Variants in LARS1 observed in about 807,000 individuals in gnomAD.
The protein encoded by LARS1 is leucine--tRNA ligase, cytoplasmic.
In LARS1, 100 loss-of-function variants were observed where a neutral mutation model predicts 162.8. The ratio of observed to expected loss-of-function variants is 0.61; its 90% confidence interval spans 0.52 to 0.73. The LOEUF is 0.73. Ranked by LOEUF, LARS1 falls within the 30% of genes least tolerant of loss-of-function variation. The probability of loss-of-function intolerance (pLI) is 0.00; values close to 1 mark genes in which losing one functional copy is unlikely to be tolerated. For synonymous variants in LARS1, 457 were observed against 462.8 expected (o/e 0.99, Z 0.16); for missense variants, 1,258 against 1,408.9 (o/e 0.89, Z 1.71).
At chr5:146,164,217 A>C in intron 6 of LARS1, 93 bp downstream of exon 6, 1 of 1,307,816 alleles carries the variant, frequency 7.6e-7, no homozygotes, top group Non-Finnish European at 1.1e-6. Context: ...CAATTGTAAA[A>C]AAAATCCATG....
intron 14 of LARS1, 102 bp downstream of exon 14, chr5:146,151,760 G>A (rs1225030289): frequency 9.2e-7 from 1 of 1,087,296 alleles, no homozygotes; most frequent in Non-Finnish European, 1.3e-6. Context: ...TCAAATCAAT[G>A]TATAGCTGAA....
At position 146,143,095 on chromosome 5, in the gene LARS1, A is replaced by C; in HGVS notation, c.1878-11T>G. ...GTCATCTGTTGCGGTCTGTATTAAAAATAAAACAAACTATTTTATATATAT... is the reference window on the plus strand; with the variant it reads ...GTCATCTGTTGCGGTCTGTATTAAACATAAAACAAACTATTTTATATATAT... On this transcript the variant is annotated splice_polypyrimidine_tract_variant and intron_variant, in intron 19 of 31. Coordinates refer to ENST00000394434, the MANE Select transcript of LARS1 (RefSeq NM_020117.11). 9.2e-6 allele frequency: 14 copies of C among 1,519,886 alleles called. No individual in the cohort carries two copies. The highest frequency in any genetic ancestry group is 1.3e-5 in the Non-Finnish European group (14 of 1,114,566). The allele number at this position is 1,519,886 out of a possible 1,614,324, so 94.1% of individuals were successfully genotyped here. A position where few individuals can be genotyped will look rare whatever the true frequency, so the allele number is the denominator to read the frequency against.
At chr5:146,141,327 AAG>A (rs1258511278) in intron 20 of LARS1, among the ~76,000 whole-genome samples, 1 of 151,966 alleles carries the variant, frequency 6.6e-6, no homozygotes, top group Non-Finnish European at 1.5e-5. Flanking sequence ...CTATAGTAAA[AAG>A]AGTTATTAAA....
At chr5:146,116,030 T>C (rs746150404) in intron 31 of LARS1, among the ~76,000 whole-genome samples, 4 of 152,158 alleles carry the variant, frequency 2.6e-5, no homozygotes, top group Non-Finnish European at 5.9e-5. Flanking sequence ...GACCGAAGTT[T>C]AGAGAAGGGG....
In LARS1 at chr5:146,143,036, C is replaced by T; in HGVS notation, c.1926G>A (p.Glu642=). The change falls in exon 20 of 32, where the codon GAG becomes GAA. Residue 642 remains glutamate (E), a synonymous_variant. Transcript: ENST00000394434. ...KEVWDYVFFK[E]APFPKTQIAK... ...CAATCTGAGTCTTAGGAAATGGAGC[C>T]TCCTTGAAGAAAACATAATCCCAAA... 1 of 1,613,846 alleles carries T rather than the reference C, an allele frequency of 6.2e-7. No individual in the cohort carries two copies. Among genetic ancestry groups the T allele is most frequent in the Non-Finnish European group, 8.5e-7 (1 of 1,179,938 alleles).
At chr5:146,122,348 T>C (rs1751863266) in intron 30 of LARS1, 144 bp downstream of exon 30, 1 of 513,168 alleles carries the variant, frequency 1.9e-6, no homozygotes, top group Non-Finnish European at 3.5e-6. Context: ...TTTCTAACAC[T>C]CTATGGGGTC....
At chr5:146,157,273 A>C in intron 10 of LARS1, 130 bp downstream of exon 10, 1 of 758,380 alleles carries the variant, frequency 1.3e-6, no homozygotes, top group South Asian at 1.8e-5. Context: ...ACCAAAACAC[A>C]CAAGACTTAC....
chr5:146,172,565 T>C, intron 3 of LARS1, 122 bp downstream of exon 3: 1 of 456,092 alleles, frequency 2.2e-6, no homozygotes, highest in Non-Finnish European at 3.9e-6. Flanking sequence ...TAAAAAATTA[T>C]GCTTTAAGGA....
intron 1 of LARS1, among the ~76,000 whole-genome samples, chr5:146,180,603 G>A (rs1358799630): frequency 6.6e-6 from 1 of 152,180 alleles, no homozygotes; most frequent in Non-Finnish European, 1.5e-5. Context: ...TTAGAACTAT[G>A]TGTTTCTTTT....
At chr5:146,117,775 T>TAAC (rs35614174) in intron 31 of LARS1, among the ~76,000 whole-genome samples, 34,130 of 152,022 alleles carry the variant, frequency 0.22, 4,819 homozygotes, top group Admixed American at 0.34. Flanking sequence ...TAAATGCATA[T>TAAC]AACATGATGA....
chr5:146,126,085 TA>T, intron 28 of LARS1, among the ~76,000 whole-genome samples: 1 of 152,080 alleles, frequency 6.6e-6, no homozygotes, highest in South Asian at 2.1e-4. Context: ...AAGCTATACC[TA>T]TACAAATGTT....
intron 31 of LARS1, among the ~76,000 whole-genome samples, chr5:146,118,163 A>T (rs568106329): frequency 6.6e-6 from 1 of 152,372 alleles, no homozygotes; most frequent in Admixed American, 6.5e-5. Flanking sequence ...GTGGTAAACA[A>T]TGAAATATTA....
At chr5:146,157,862 G>GT in intron 8 of LARS1, 67 bp from the exon 9 acceptor site, 2 of 1,454,974 alleles carry the variant, frequency 1.4e-6, no homozygotes, top group Non-Finnish European at 1.9e-6. Flanking sequence ...ACTAATCTAT[G>GT]TGAGAGATCT....
intron 31 of LARS1, among the ~76,000 whole-genome samples, chr5:146,117,949 G>A (rs116050820): frequency 2.0e-5 from 3 of 152,158 alleles, no homozygotes; most frequent in East Asian, 1.9e-4. Context: ...AAACAGTATC[G>A]AGGTTCCTCA....
At position 146,144,270 on chromosome 5, in the gene LARS1, G is replaced by A. The variant is rs777568138; in HGVS notation, c.1735C>T (p.Leu579=). 1.2e-6 allele frequency: 2 copies of A among 1,605,210 alleles called. No individual in the cohort carries two copies. Among genetic ancestry groups the A allele is most frequent in the Admixed American group, 1.7e-5 (1 of 57,476 alleles). Residue 579 remains leucine (L), a synonymous_variant, in exon 18 of 32, where the codon CTA becomes TTA. Transcript: ENST00000394434. ...GAAAAATTTCAAGTTTGTTTACCTAGACCATAAGTTCTTGAGCAAGCATGT... is the reference window on the plus strand; with the variant it reads ...GAAAAATTTCAAGTTTGTTTACCTAAACCATAAGTTCTTGAGCAAGCATGT... ...QEHACSRTYG[L]GTHLPWDEQW...
intron 21 of LARS1, chr5:146,138,807 G>A: frequency 4.9e-6 from 1 of 202,368 alleles, no homozygotes; most frequent in Non-Finnish European, 1.1e-5. Flanking sequence ...TTCTATTTGG[G>A]CAAGAGATGT....
intron 21 of LARS1, chr5:146,139,617 T>A (rs1752671813): frequency 6.6e-6 from 1 of 152,558 alleles, no homozygotes; most frequent in Admixed American, 6.6e-5. Flanking sequence ...GGCTCACACC[T>A]GTAATCCCAG....
In LARS1 at chr5:146,113,082, G is replaced by A. The variant is rs1011009955; in HGVS notation, c.*1024C>T. ...TTATTGATTGATTGATGGATTGATT[G>A]AGACAGAGTTTCACTCTTGTTGCCT... On this transcript the variant is annotated 3_prime_UTR_variant, in exon 32 of 32. Coordinates refer to ENST00000394434, the MANE Select transcript of LARS1 (RefSeq NM_020117.11). The A allele has an allele frequency of 2.0e-5, 3 of 150,112 alleles. No homozygotes were observed. The highest frequency in any genetic ancestry group is 7.2e-5 in the African/African-American group (3 of 41,388). The allele number at this position is 150,112 out of a possible 1,614,324, so 9.3% of individuals were successfully genotyped here. A position where few individuals can be genotyped will look rare whatever the true frequency, so the allele number is the denominator to read the frequency against.
At chr5:146,177,014 A>C (rs565842329) in intron 2 of LARS1, among the ~76,000 whole-genome samples, 7 of 151,922 alleles carry the variant, frequency 4.6e-5, no homozygotes, top group African/African-American at 1.7e-4. Flanking sequence ...CTTTATTTAG[A>C]AAAAAAAATC....
Sources: gnomAD v4.1 joint callset for allele counts (sites outside exome capture counted in the v4.1 genomes callset) on GRCh38, gnomAD v4.1.1 for gene constraint, MANE v1.5 for transcripts, NCBI Gene and HGNC (gene_info 2026-07-23, HGNC 2026-07-21) for gene names.